Variants in CAST observed in about 807,000 individuals in gnomAD.
CAST encodes MIR583 host.
A neutral mutation model predicts 119.6 loss-of-function variants in CAST; 76 were observed. The ratio of observed to expected loss-of-function variants is 0.64; its 90% CI spans 0.53 to 0.77. The LOEUF (loss-of-function observed/expected upper bound fraction) is 0.77, where lower values mean the gene tolerates loss of function less well. CAST is among the 30% of genes least tolerant of loss of function. The probability of loss-of-function intolerance (pLI) is 0.00; values close to 1 mark genes in which losing one functional copy is unlikely to be tolerated. For synonymous variants in CAST, 319 were observed against 331.6 expected (o/e 0.96, Z 0.41); for missense variants, 953 against 946.5 (o/e 1.01, Z -0.09).
rs1223741657 is a variant in CAST at position 96,730,863 on chromosome 5, G to A, written c.630+3G>A. The A allele has an allele frequency of 1.2e-6, 2 of 1,607,992 alleles. No homozygotes were observed. The highest frequency in any genetic ancestry group is 1.3e-5 in the African/African-American group (1 of 74,796). ...TATCTGGCAAGCCGGGTGACAAGGT[G>A]AGCACACACAAGCAGACGGAAACGT... On this transcript the variant is annotated splice_donor_region_variant and intron_variant, in intron 9 of 31. Coordinates refer to ENST00000675179, the MANE Select transcript of CAST (RefSeq NM_001750.7).
the CAST span, among the ~76,000 whole-genome samples, chr5:96,023,672 G>A: frequency 1.6e-4 from 24 of 152,108 alleles, no homozygotes; most frequent in South Asian, 1.5e-3. Flanking sequence ...TATTCACTAC[G>A]TAAAAGCATT....
chr5:96,441,358 A>G, the CAST span, among the ~76,000 whole-genome samples: 3 of 151,768 alleles, frequency 2.0e-5, no homozygotes, highest in Non-Finnish European at 2.9e-5. Context: ...TCATAATTCT[A>G]TACATTCCCA....
the CAST span, among the ~76,000 whole-genome samples, chr5:96,146,113 C>T: frequency 6.6e-6 from 1 of 152,114 alleles, no homozygotes; most frequent in African/African-American, 2.4e-5. Flanking sequence ...ACAGATTCCA[C>T]CTTTCAGTGG....
At chr5:96,518,349 A>G in the CAST span, among the ~76,000 whole-genome samples, 5 of 152,300 alleles carry the variant, frequency 3.3e-5, no homozygotes, top group South Asian at 1.0e-3. Flanking sequence ...AAGAAAAGAA[A>G]TGCATTAGCA....
the CAST span, among the ~76,000 whole-genome samples, chr5:96,459,708 C>T: frequency 6.6e-6 from 1 of 152,012 alleles, no homozygotes; most frequent in Admixed American, 6.6e-5. Context: ...GCAATCAGAC[C>T]CAATATAGGA....
chr5:96,097,285 AC>A, the CAST span, among the ~76,000 whole-genome samples: 5 of 149,954 alleles, frequency 3.3e-5, no homozygotes, highest in African/African-American at 1.2e-4. Flanking sequence ...CATGAGCCAC[AC>A]CCAGTTCTTA....
At chr5:96,179,900 G>C in the CAST span, among the ~76,000 whole-genome samples, 1 of 152,258 alleles carries the variant, frequency 6.6e-6, no homozygotes, top group Non-Finnish European at 1.5e-5. Flanking sequence ...AGCCAGGCGT[G>C]GTGGCGGGTG....
the CAST span, chr5:96,432,915 G>T: frequency 1.9e-6 from 3 of 1,613,982 alleles, no homozygotes; most frequent in Admixed American, 5.0e-5. Flanking sequence ...GGCTGCTTCC[G>T]GGCCCCCGGG....
At chr5:96,079,057 C>G in the CAST span, 1 of 445,844 alleles carries the variant, frequency 2.2e-6, no homozygotes, top group Non-Finnish European at 4.6e-6. Context: ...ACCTATGTAA[C>G]AAACCTGTAT....
the CAST span, among the ~76,000 whole-genome samples, chr5:96,290,340 T>A: frequency 2.3e-4 from 35 of 152,216 alleles, no homozygotes; most frequent in Admixed American, 6.5e-5. Flanking sequence ...AAGTTCATTC[T>A]CTTTACCAGG....
the CAST span, among the ~76,000 whole-genome samples, chr5:96,473,781 T>A: frequency 6.6e-6 from 1 of 152,224 alleles, no homozygotes; most frequent in Non-Finnish European, 1.5e-5. Context: ...GCATGACTGG[T>A]CTGTACAAAA....
the CAST span, among the ~76,000 whole-genome samples, chr5:96,275,476 G>A: frequency 6.6e-6 from 1 of 152,184 alleles, no homozygotes; most frequent in African/African-American, 2.4e-5. Context: ...GTTGGCTGCT[G>A]TAACATGCTG....
chr5:96,424,999 G>T, the CAST span, among the ~76,000 whole-genome samples: 3 of 93,216 alleles, frequency 3.2e-5, no homozygotes, highest in Non-Finnish European at 6.3e-5. Context: ...GAAAGAAAGA[G>T]AAAGAAAGAA....
At chr5:96,697,308 AAACT>A (rs1248063649) in intron 3 of CAST, among the ~76,000 whole-genome samples, 1 of 152,004 alleles carries the variant, frequency 6.6e-6, no homozygotes, top group Non-Finnish European at 1.5e-5. Flanking sequence ...TTTTTCTTTA[AAACT>A]GGTGGCTATC....
At chr5:96,290,432 T>A in the CAST span, among the ~76,000 whole-genome samples, 1 of 151,952 alleles carries the variant, frequency 6.6e-6, no homozygotes, top group Non-Finnish European at 1.5e-5. Flanking sequence ...AAGAATTTTA[T>A]AGCAATTCCC....
chr5:96,127,293 A>T, the CAST span, among the ~76,000 whole-genome samples: 1 of 152,106 alleles, frequency 6.6e-6, no homozygotes. Context: ...GTGAAGAAAG[A>T]TACTCTTAGG....
At chr5:96,022,752 A>T in the CAST span, among the ~76,000 whole-genome samples, 1 of 152,190 alleles carries the variant, frequency 6.6e-6, no homozygotes, top group Admixed American at 6.5e-5. Flanking sequence ...GGGGCTGATA[A>T]GTCCAGAATT....
intron 1 of CAST, among the ~76,000 whole-genome samples, chr5:96,627,076 A>C (rs1747737305): frequency 6.6e-6 from 1 of 152,246 alleles, no homozygotes; most frequent in Admixed American, 6.5e-5. Context: ...TGTCAAGGTT[A>C]AAAATGCATG....
chr5:96,142,869 T>C, the CAST span, among the ~76,000 whole-genome samples: 1 of 152,184 alleles, frequency 6.6e-6, no homozygotes, highest in African/African-American at 2.4e-5. Context: ...AATTAGCTCT[T>C]GGTGTTTGCT....
Sources: allele counts gnomAD v4.1 joint callset (sites outside exome capture counted in the v4.1 genomes callset), GRCh38; gene constraint gnomAD v4.1.1; transcripts MANE v1.5; gene names NCBI Gene and HGNC (gene_info 2026-07-23, HGNC 2026-07-21).